The following L3HYPDH variants were observed in gnomAD, a reference collection of about 807,000 sequenced individuals.
L3HYPDH encodes the protein trans-L-3-hydroxyproline dehydratase.
L3HYPDH carries 32 observed loss-of-function variants against 26.5 expected under a neutral mutation model. That is an observed-to-expected ratio of 1.21 (90% CI 0.91 to 1.62). The LOEUF (loss-of-function observed/expected upper bound fraction) is 1.62, where lower values mean the gene tolerates loss of function less well. L3HYPDH is among the 40% of genes most tolerant of loss of function. The pLI is 0.00. For synonymous variants in L3HYPDH, 215 were observed against 196.6 expected (o/e 1.09, Z -0.78); for missense variants, 554 against 476.4 (o/e 1.16, Z -1.52).
upstream of L3HYPDH, chr14:59,485,342 A>C (rs1890460030): frequency 2.2e-6 from 1 of 445,270 alleles, no homozygotes; most frequent in African/African-American, 2.0e-5. Context: ...TTGGTTACAA[A>C]AAAAATAAGC....
chr14:59,478,739 G>C (rs1318589066), intron 2 of L3HYPDH: 1 of 153,596 alleles, frequency 6.5e-6, no homozygotes, highest in Admixed American at 6.5e-5. Flanking sequence ...GGCATATGGA[G>C]GTTACGTAAC....
chr14:59,485,054 A>G, upstream of L3HYPDH: 3 of 1,598,408 alleles, frequency 1.9e-6, no homozygotes, highest in Non-Finnish European at 1.7e-6. Context: ...AACTTTAGCC[A>G]TCGTTCGCTA....
At chr14:59,482,354 T>TGTC (rs1890081323) in intron 1 of L3HYPDH, among the ~76,000 whole-genome samples, 2 of 152,224 alleles carry the variant, frequency 1.3e-5, no homozygotes, top group African/African-American at 4.8e-5. Flanking sequence ...ATCATTGTAC[T>TGTC]GTCATACAGT....
At chr14:59,478,317 A>G (rs1297330712) in intron 2 of L3HYPDH, among the ~76,000 whole-genome samples, 1 of 152,170 alleles carries the variant, frequency 6.6e-6, no homozygotes, top group Non-Finnish European at 1.5e-5. Flanking sequence ...TAATCCCAAC[A>G]CTTTGGGAGG....
At chr14:59,491,610 A>C in the L3HYPDH span, among the ~76,000 whole-genome samples, 2 of 152,216 alleles carry the variant, frequency 1.3e-5, no homozygotes, top group Admixed American at 1.3e-4. Flanking sequence ...CAACAATGTG[A>C]GTTAATTAGG....
chr14:59,471,884 A>G (rs1889321083), downstream of L3HYPDH, among the ~76,000 whole-genome samples: 1 of 152,206 alleles, frequency 6.6e-6, no homozygotes, highest in Non-Finnish European at 1.5e-5. Flanking sequence ...AATTCTGTGG[A>G]GAATGAGTGA....
chr14:59,487,962 C>T (rs562578917), upstream of L3HYPDH: 74 of 850,670 alleles, frequency 8.7e-5, no homozygotes, highest in African/African-American at 1.1e-3. Context: ...TCAGATTATT[C>T]TTAACTGTGA....
upstream of L3HYPDH, chr14:59,486,697 A>G (rs543535444): frequency 3.5e-5 from 54 of 1,527,086 alleles, no homozygotes; most frequent in Non-Finnish European, 4.4e-5. Flanking sequence ...CTATACTGGC[A>G]TTTGTTTTTA....
Position 59,476,225 on chromosome 14 carries a change from CA to C in L3HYPDH, c.679-12del, listed in dbSNP as rs779480560. On this transcript the variant is annotated splice_polypyrimidine_tract_variant and intron_variant, in intron 2 of 4. Transcript: ENST00000247194. Reference sequence around the variant, plus strand: ...ATGATTAATTTTAAACTGCAAGTAACAAAAAAAGATCACATGCAAAATAAAT... The same window carrying C: ...ATGATTAATTTTAAACTGCAAGTAACAAAAAAGATCACATGCAAAATAAAT... 13 of 1,497,882 alleles carry C rather than the reference CA, an allele frequency of 8.7e-6. No homozygotes were observed. Among genetic ancestry groups the C allele is most frequent in the African/African-American group, 4.4e-5 (2 of 45,140 alleles). The allele number at this position is 1,497,882 out of a possible 1,614,324, so 92.8% of individuals were successfully genotyped here.
chr14:59,486,589 T>G, upstream of L3HYPDH: 1 of 674,280 alleles, frequency 1.5e-6, no homozygotes, highest in Non-Finnish European at 2.6e-6. Context: ...CTTCAAGACT[T>G]TTGTCTAATA....
chr14:59,489,694 A>T, the L3HYPDH span, among the ~76,000 whole-genome samples: 10 of 152,306 alleles, frequency 6.6e-5, no homozygotes, highest in African/African-American at 2.4e-4. Flanking sequence ...GAGACTGGGT[A>T]ATTTATAAAG....
the L3HYPDH span, chr14:59,503,950 G>C: frequency 9.3e-6 from 15 of 1,613,592 alleles, no homozygotes; most frequent in Non-Finnish European, 1.3e-5. Context: ...TTCCAGAGTG[G>C]ATAAACTTGA....
At chr14:59,492,852 C>T in the L3HYPDH span, among the ~76,000 whole-genome samples, 6 of 144,040 alleles carry the variant, frequency 4.2e-5, no homozygotes, top group East Asian at 4.1e-4. Context: ...GGCTGGAGTG[C>T]GGTGGTGCGA....
intron 1 of L3HYPDH, among the ~76,000 whole-genome samples, chr14:59,480,214 G>C (rs1278282193): frequency 2.0e-5 from 3 of 152,234 alleles, no homozygotes; most frequent in Admixed American, 6.5e-5. Context: ...GGAGTGTCCT[G>C]AAGGGAGAAA....
chr14:59,502,765 T>TA, the L3HYPDH span, among the ~76,000 whole-genome samples: 1 of 134,652 alleles, frequency 7.4e-6, no homozygotes, highest in Non-Finnish European at 1.6e-5. Flanking sequence ...TTTTTTTTTT[T>TA]TTTTTTTTCG....
intron 2 of L3HYPDH, 149 bp downstream of exon 2, chr14:59,479,033 G>T: frequency 1.7e-6 from 1 of 604,662 alleles, no homozygotes; most frequent in Non-Finnish European, 2.6e-6. Context: ...GGACAAGCTT[G>T]CTCTAGAGCC....
rs751104536 is a variant in L3HYPDH, at chr14:59,484,355, T to G, written c.-39A>C. The G allele has an allele frequency of 2.0e-5, 31 of 1,546,106 alleles. No individual in the cohort carries two copies. The African/African-American group carries it at 4.1e-4, about 20-fold the overall frequency. On this transcript the variant is annotated 5_prime_UTR_variant, in exon 1 of 5. Coordinates refer to ENST00000247194, the MANE Select transcript of L3HYPDH (RefSeq NM_144581.2). ...GGAGACGAGTACGGTCCCGCAGCTATGGCTTCAAGCCCGACCCTCACCCAC... is the reference window on the plus strand; with the variant it reads ...GGAGACGAGTACGGTCCCGCAGCTAGGGCTTCAAGCCCGACCCTCACCCAC...
At chr14:59,503,859 C>T in the L3HYPDH span, 1 of 1,604,188 alleles carries the variant, frequency 6.2e-7, no homozygotes, top group African/African-American at 1.3e-5. Flanking sequence ...TATAGAACTG[C>T]TATGATCTTC....
chr14:59,484,732 G>T, upstream of L3HYPDH: 1 of 1,156,726 alleles, frequency 8.6e-7, no homozygotes, highest in South Asian at 1.4e-5. Context: ...CCCGCCCTCG[G>T]GCCGGGCTCC....
Sources: gnomAD v4.1 joint callset for allele counts (sites outside exome capture counted in the v4.1 genomes callset) on GRCh38, gnomAD v4.1.1 for gene constraint, MANE v1.5 for transcripts, NCBI Gene and HGNC (gene_info 2026-07-23, HGNC 2026-07-21) for gene names.